SRD5A3: variants seen among roughly 807,000 people sequenced by gnomAD.
SRD5A3 encodes polyprenal reductase.
SRD5A3 carries 24 observed loss-of-function variants against 34.3 expected under a neutral mutation model. The ratio of observed to expected loss-of-function variants is 0.70; its 90% CI spans 0.51 to 0.99. SRD5A3 has a LOEUF of 0.99. Ranked by LOEUF, SRD5A3 falls within the 50% of genes least tolerant of loss-of-function variation. The pLI, the probability that SRD5A3 is intolerant of heterozygous loss-of-function variation, is 0.00. For missense variants in SRD5A3, 350 were observed against 388.2 expected (o/e 0.90, Z 0.83); for synonymous variants, 161 against 167.3 (o/e 0.96, Z 0.29).
At chr4:55,352,904 A>T (rs1009246771) in intron 1 of SRD5A3, among the ~76,000 whole-genome samples, 1 of 152,214 alleles carries the variant, frequency 6.6e-6, no homozygotes, top group African/African-American at 2.4e-5. Context: ...AGCAAGACTG[A>T]AGTGGGCGTG....
chr4:55,367,012 T>C (rs1719924882), intron 3 of SRD5A3: 1 of 160,142 alleles, frequency 6.2e-6, no homozygotes, highest in Admixed American at 5.9e-5. Context: ...TGCAGTTTAC[T>C]GTCCCTCTCT....
rs768814798 is a variant in SRD5A3 at position 55,367,608 on chromosome 4, C to G, written c.583C>G (p.Leu195Val). ...TATAGCCTACATAACAGGGAAAAAT[C>G]TATTGATGCAAGCACGGTGGTTCCA... is the stretch of plus-strand genomic sequence containing the variant. ...GRNAYITGKN[L>V]LMQARWFHIL... Residue 195 changes from leucine (L) to valine (V), a missense_variant, in exon 4 of 5, where the codon CTA (leucine) becomes GTA (valine). This residue lies in a region of SRD5A3 where 186 missense variants were observed against 221.4 expected (regional missense o/e 0.84). Transcript: ENST00000264228. 1.2e-6 allele frequency: 2 copies of G among 1,614,126 alleles called. No individual in the cohort carries two copies. Among genetic ancestry groups the G allele is most frequent in the Non-Finnish European group, 1.7e-6 (2 of 1,180,030 alleles).
Position 55,369,955 on chromosome 4 carries a change from A to G in SRD5A3, c.821A>G (p.Asn274Ser), listed in dbSNP as rs569181314. 6 of 1,614,174 alleles carry G rather than the reference A, an allele frequency of 3.7e-6. No individual in the cohort carries two copies. In the East Asian group the frequency reaches 1.1e-4, roughly 30 times the overall value. The change falls in exon 5 of 5, where the codon AAC becomes AGC. Residue 274 changes from asparagine to serine, a missense_variant. By Grantham distance (46) the Asn-to-Ser change is conservative. Coordinates refer to ENST00000264228, the MANE Select transcript of SRD5A3 (RefSeq NM_024592.5). Reference protein sequence around the residue: ...VSMAVTFGFHNLTWWLVVTNV... With the variant: ...VSMAVTFGFHSLTWWLVVTNV... ...ATGGCCGTCACCTTTGGGTTCCACA[A>G]CTTAACTTGGTGGCTAGTGGTGACA...
chr4:55,369,730 C>CAA (rs3034884), intron 4 of SRD5A3, 102 bp from the exon 5 acceptor site: 1,656 of 1,269,302 alleles, frequency 1.3e-3, no homozygotes, highest in Middle Eastern at 1.9e-3. Flanking sequence ...GACTTTGCCT[C>CAA]AAAAAAAAAA....
chr4:55,346,259 C>T lies in SRD5A3; in HGVS notation c.-78C>T. On this transcript the variant is annotated 5_prime_UTR_variant, in exon 1 of 5. Transcript: ENST00000264228. ...GTCCCGCTAGGCTGAGACCGGTGCG[C>T]CGCGCGCTAGTGGCCGCTCTTCCGC... is the stretch of plus-strand genomic sequence containing the variant. 1.6e-6 allele frequency: 2 copies of T among 1,238,818 alleles called. No homozygotes were observed. The highest frequency in any genetic ancestry group is 3.2e-5 in the African/African-American group (2 of 63,260). 76.7% of individuals were successfully genotyped at this position (1,238,818 alleles called of 1,614,324 possible).
Position 55,346,266 on chromosome 4 carries a change from C to G in SRD5A3, c.-71C>G, listed in dbSNP as rs1473183586. On this transcript the variant is annotated 5_prime_UTR_variant, in exon 1 of 5. Coordinates refer to ENST00000264228, the MANE Select transcript of SRD5A3 (RefSeq NM_024592.5). Reference sequence around the variant, plus strand: ...TAGGCTGAGACCGGTGCGCCGCGCGCTAGTGGCCGCTCTTCCGCGGGCTAG... The same window carrying G: ...TAGGCTGAGACCGGTGCGCCGCGCGGTAGTGGCCGCTCTTCCGCGGGCTAG... 25 of 1,296,814 alleles carry G rather than the reference C, an allele frequency of 1.9e-5. No homozygotes were observed. Among genetic ancestry groups the G allele is most frequent in the Non-Finnish European group, 2.2e-5 (22 of 1,012,000 alleles). The allele number at this position is 1,296,814 out of a possible 1,614,324, so 80.3% of individuals were successfully genotyped here.
chr4:55,348,952 T>C (rs1297501163), intron 1 of SRD5A3, among the ~76,000 whole-genome samples: 1 of 152,256 alleles, frequency 6.6e-6, no homozygotes, highest in Non-Finnish European at 1.5e-5. Flanking sequence ...ATATCTTGGT[T>C]AATCCAAATT....
chr4:55,356,311 T>C (rs933422766), intron 1 of SRD5A3, among the ~76,000 whole-genome samples: 1 of 152,028 alleles, frequency 6.6e-6, no homozygotes, highest in Admixed American at 6.6e-5. Flanking sequence ...ACCCGGCCTC[T>C]TTTGCTGCCT....
At position 55,359,435 on chromosome 4, in the gene SRD5A3, T is replaced by A; in HGVS notation, c.311T>A (p.Phe104Tyr). 5.6e-6 allele frequency: 9 copies of A among 1,614,056 alleles called. No homozygotes were observed. Among genetic ancestry groups the A allele is most frequent in the Non-Finnish European group, 5.1e-6 (6 of 1,180,010 alleles). The change falls in exon 2 of 5, where the codon TTT becomes TAT. Residue 104 changes from phenylalanine (F) to tyrosine (Y), a missense_variant. By Grantham distance (22) the Phe-to-Tyr change is conservative (BLOSUM62 3). Around this residue, in one of 3 missense-constraint regions of SRD5A3, gnomAD observed 159 missense variants for 149.1 expected, o/e 1.07. Coordinates refer to ENST00000264228, the MANE Select transcript of SRD5A3 (RefSeq NM_024592.5). ...CAATCTCTGTTCCTGGGAGCACCTT[T>A]TCCAAGCTGGCTTCATGGTTTGCTC... ...LTQSLFLGAP[F>Y]PSWLHGLLRI...
chr4:55,349,963 T>C (rs960307675), intron 1 of SRD5A3, among the ~76,000 whole-genome samples: 2 of 152,224 alleles, frequency 1.3e-5, no homozygotes, highest in African/African-American at 4.8e-5. Context: ...GTGATAGTTT[T>C]TTTATATTAC....
At chr4:55,350,958 G>A (rs961373986) in intron 1 of SRD5A3, among the ~76,000 whole-genome samples, 1 of 151,660 alleles carries the variant, frequency 6.6e-6, no homozygotes, top group Admixed American at 6.6e-5. Flanking sequence ...TAGAGATGGG[G>A]TTTCGCCATG....
rs769919131 is a variant in SRD5A3, at chr4:55,346,436, C to G, written c.100C>G (p.Leu34Val). 3.1e-6 allele frequency: 5 copies of G among 1,605,370 alleles called. No individual in the cohort carries two copies. The South Asian group carries it at 4.4e-5, about 14-fold the overall frequency. Reference protein sequence around the residue: ...AAFLLTLLLQLLPPGLLPGCA... With the variant: ...AAFLLTLLLQVLPPGLLPGCA... ...CTTCCTGCTGACCCTACTGCTGCAG[C>G]TCCTGCCGCCCGGCCTGCTCCCGGG... Residue 34 changes from leucine to valine, a missense_variant, in exon 1 of 5, where the codon CTC becomes GTC. Leu to Val is a conservative substitution (Grantham distance 32, BLOSUM62 1). This residue lies in a region of SRD5A3 where 159 missense variants were observed against 149.1 expected (regional missense o/e 1.07). Transcript: ENST00000264228.
chr4:55,348,235 A>G (rs1179171282), intron 1 of SRD5A3, among the ~76,000 whole-genome samples: 1 of 152,194 alleles, frequency 6.6e-6, no homozygotes, highest in Non-Finnish European at 1.5e-5. Context: ...ATAGTGTTCA[A>G]GTGCCCTTCC....
chr4:55,353,781 C>T (rs2109465764), intron 1 of SRD5A3, among the ~76,000 whole-genome samples: 1 of 152,212 alleles, frequency 6.6e-6, no homozygotes, highest in Non-Finnish European at 1.5e-5. Flanking sequence ...AAGTCAAGCG[C>T]AACACAAACC....
At chr4:55,363,184 C>G (rs1255000634) in intron 2 of SRD5A3, among the ~76,000 whole-genome samples, 3 of 152,034 alleles carry the variant, frequency 2.0e-5, no homozygotes, top group Non-Finnish European at 4.4e-5. Context: ...GGCGTGGTAT[C>G]TCACACCTAA....
chr4:55,351,981 C>A, intron 1 of SRD5A3: 1 of 758,074 alleles, frequency 1.3e-6, no homozygotes, highest in Non-Finnish European at 2.5e-6. Flanking sequence ...TACTAAGAGT[C>A]ATCTGCTTAG....
chr4:55,355,097 G>A (rs546910990), intron 1 of SRD5A3, among the ~76,000 whole-genome samples: 3 of 152,264 alleles, frequency 2.0e-5, no homozygotes, highest in Non-Finnish European at 4.4e-5. Context: ...GAAGATTTTA[G>A]ATTGGCTTTT....
chr4:55,367,756 T>C, intron 4 of SRD5A3, 34 bp downstream of exon 4: 1 of 1,613,684 alleles, frequency 6.2e-7, no homozygotes, highest in Non-Finnish European at 8.5e-7. Flanking sequence ...GCATATGGAT[T>C]TTAACCCTCA....
rs1464748173 is a variant in SRD5A3, at chr4:55,370,472, C to A, written c.*381C>A. ...ACACACACACACACACACACACACA[C>A]AAAGGAAGATCATCAATGGCTGCGG... On this transcript the variant is annotated 3_prime_UTR_variant, in exon 5 of 5. Transcript: ENST00000264228. The A allele has an allele frequency of 1.6e-5, 4 of 254,248 alleles. No homozygotes were observed. Among genetic ancestry groups the A allele is most frequent in the African/African-American group, 2.6e-5 (1 of 39,020 alleles). The allele number at this position is 254,248 out of a possible 1,614,324, so 15.7% of individuals were successfully genotyped here.
Sources: allele counts gnomAD v4.1 joint callset (sites outside exome capture counted in the v4.1 genomes callset), GRCh38; gene constraint gnomAD v4.1.1; regional missense constraint gnomAD v4.1.1; transcripts MANE v1.5; gene names NCBI Gene and HGNC (gene_info 2026-07-23, HGNC 2026-07-21).